The following PPARGC1A variants were observed in gnomAD, a reference collection of about 807,000 sequenced individuals.
The protein encoded by PPARGC1A is PPARG coactivator 1 alpha.
Under a neutral mutation model 88.7 loss-of-function variants are expected in PPARGC1A, and 25 were observed. The observed-to-expected ratio is 0.28, with a 90% confidence interval of 0.21 to 0.39. The LOEUF (loss-of-function observed/expected upper bound fraction) is 0.39. Among genes scored for constraint, PPARGC1A ranks in the 10% least tolerant of loss-of-function variants. The probability of loss-of-function intolerance (pLI) is 1.00; values close to 1 mark genes in which losing one functional copy is unlikely to be tolerated. For missense variants in PPARGC1A, 880 were observed against 968.7 expected (o/e 0.91, Z 1.22); for synonymous variants, 363 against 355.6 (o/e 1.02, Z -0.24).
the PPARGC1A span, among the ~76,000 whole-genome samples, chr4:23,977,530 G>A: frequency 2.0e-5 from 3 of 152,102 alleles, no homozygotes; most frequent in Non-Finnish European, 2.9e-5. Context: ...AAAAATTTGT[G>A]TCTAATAAAT....
chr4:24,094,145 G>C, the PPARGC1A span, among the ~76,000 whole-genome samples: 1 of 152,092 alleles, frequency 6.6e-6, no homozygotes, highest in Non-Finnish European at 1.5e-5. Flanking sequence ...TTAACACAGA[G>C]GCAGACAGGA....
At chr4:24,446,590 AATT>A in the PPARGC1A span, among the ~76,000 whole-genome samples, 3 of 148,898 alleles carry the variant, frequency 2.0e-5, no homozygotes, top group Admixed American at 6.7e-5. Context: ...GAAAACACTG[AATT>A]TTTTTTTTTT....
chr4:24,415,020 T>C, the PPARGC1A span, among the ~76,000 whole-genome samples: 1 of 152,002 alleles, frequency 6.6e-6, no homozygotes, highest in South Asian at 2.1e-4. Flanking sequence ...TGAAACCCCG[T>C]CTCTACTAAA....
the PPARGC1A span, among the ~76,000 whole-genome samples, chr4:24,410,616 C>T: frequency 7.9e-5 from 12 of 152,038 alleles, no homozygotes; most frequent in African/African-American, 2.2e-4. Flanking sequence ...AATCAGTGGT[C>T]GGGGTGAGGC....
At chr4:24,139,681 T>C in the PPARGC1A span, among the ~76,000 whole-genome samples, 889 of 152,260 alleles carry the variant, frequency 5.8e-3, 9 homozygotes, top group African/African-American at 0.02. Context: ...TTCTTGACTG[T>C]GCATGTTAGC....
At chr4:24,129,830 G>C in the PPARGC1A span, among the ~76,000 whole-genome samples, 1 of 152,158 alleles carries the variant, frequency 6.6e-6, no homozygotes, top group African/African-American at 2.4e-5. Context: ...AAAATGATGA[G>C]TTCATGTCCT....
chr4:24,039,103 C>T, the PPARGC1A span, among the ~76,000 whole-genome samples: 1 of 152,170 alleles, frequency 6.6e-6, no homozygotes, highest in African/African-American at 2.4e-5. Context: ...ATACATTCTG[C>T]CATCCCAAAG....
chr4:24,073,224 G>A, the PPARGC1A span, among the ~76,000 whole-genome samples: 3,994 of 151,734 alleles, frequency 0.026, 147 homozygotes, highest in African/African-American at 0.076. Context: ...TTGTATTTTT[G>A]GTAGAGATGG....
At chr4:24,219,878 C>G in the PPARGC1A span, among the ~76,000 whole-genome samples, 6 of 152,148 alleles carry the variant, frequency 3.9e-5, no homozygotes, top group Non-Finnish European at 8.8e-5. Context: ...CTGATAATGC[C>G]TAGTCACAGA....
At chr4:23,943,710 G>A in the PPARGC1A span, among the ~76,000 whole-genome samples, 2 of 152,198 alleles carry the variant, frequency 1.3e-5, no homozygotes, top group Admixed American at 6.5e-5. Flanking sequence ...AGGAGTGACT[G>A]TGCAGTGGAG....
chr4:24,155,576 A>G, the PPARGC1A span, among the ~76,000 whole-genome samples: 2 of 148,464 alleles, frequency 1.3e-5, no homozygotes, highest in Admixed American at 6.8e-5. Flanking sequence ...ACTCCAGCCT[A>G]GGCAATACAA....
chr4:23,885,057 G>T, intron 1 of PPARGC1A, 126 bp from the exon 2 acceptor site: 1 of 804,192 alleles, frequency 1.2e-6, no homozygotes, highest in Non-Finnish European at 1.8e-6. Flanking sequence ...GCTAGTTTCT[G>T]GCACTTTAAT....
the PPARGC1A span, among the ~76,000 whole-genome samples, chr4:24,055,811 C>T: frequency 6.6e-6 from 1 of 151,952 alleles, no homozygotes; most frequent in Non-Finnish European, 1.5e-5. Flanking sequence ...CATTGCTGTA[C>T]CCTCCTACTT....
intron 2 of PPARGC1A, among the ~76,000 whole-genome samples, chr4:23,833,851 G>T (rs1359575726): frequency 6.6e-6 from 1 of 152,134 alleles, no homozygotes; most frequent in Non-Finnish European, 1.5e-5. Context: ...GGTGCAACAT[G>T]GTGTGTCTGA....
the PPARGC1A span, among the ~76,000 whole-genome samples, chr4:24,334,225 G>A: frequency 6.6e-6 from 1 of 152,138 alleles, no homozygotes; most frequent in Admixed American, 6.5e-5. Context: ...TGAGAACCAA[G>A]TACCTCGCCT....
chr4:24,180,738 T>C, the PPARGC1A span, among the ~76,000 whole-genome samples: 1 of 152,170 alleles, frequency 6.6e-6, no homozygotes, highest in South Asian at 2.1e-4. Flanking sequence ...TTACATGACT[T>C]TGAGGCTGTG....
chr4:24,197,573 T>C, the PPARGC1A span, among the ~76,000 whole-genome samples: 5 of 152,194 alleles, frequency 3.3e-5, no homozygotes, highest in African/African-American at 1.2e-4. Context: ...CTGTTGCTCC[T>C]AAGACTTAAA....
At chr4:24,394,623 C>A in the PPARGC1A span, among the ~76,000 whole-genome samples, 1 of 152,170 alleles carries the variant, frequency 6.6e-6, no homozygotes, top group Non-Finnish European at 1.5e-5. Flanking sequence ...GTAAATGTTC[C>A]TCCCCAATGG....
At chr4:23,984,337 T>C in the PPARGC1A span, among the ~76,000 whole-genome samples, 1 of 152,082 alleles carries the variant, frequency 6.6e-6, no homozygotes, top group South Asian at 2.1e-4. Context: ...TGTTTGAAAT[T>C]ATTCAATTAA....
Sources: gnomAD v4.1 joint callset for allele counts (sites outside exome capture counted in the v4.1 genomes callset) on GRCh38, gnomAD v4.1.1 for gene constraint, MANE v1.5 for transcripts, NCBI Gene and HGNC (gene_info 2026-07-23, HGNC 2026-07-21) for gene names.